Variants in LAMA2 observed in about 807,000 individuals in gnomAD.
The protein encoded by LAMA2 is laminin subunit alpha 2, also known as laminin subunit alpha-2.
LAMA2 carries 269 observed loss-of-function variants against 364.8 expected under a neutral mutation model. That is an observed-to-expected ratio of 0.74 (90% CI 0.67 to 0.82). The LOEUF (loss-of-function observed/expected upper bound fraction) is 0.82, where lower values mean the gene tolerates loss of function less well. Ranked by LOEUF, LAMA2 falls within the 40% of genes least tolerant of loss-of-function variation. LAMA2 has a pLI of 0.00. For synonymous variants in LAMA2, 1,379 were observed against 1,370.6 expected (o/e 1.01, Z -0.14); for missense variants, 3,807 against 3,873.2 (o/e 0.98, Z 0.45).
chr6:129,362,653 A>T (rs1242416948), intron 32 of LAMA2, among the ~76,000 whole-genome samples: 1 of 152,192 alleles, frequency 6.6e-6, no homozygotes, highest in Non-Finnish European at 1.5e-5. Context: ...TTCTTTAACG[A>T]GGAAGAAAGA....
At chr6:129,277,524 C>T (rs265375) in intron 17 of LAMA2, among the ~76,000 whole-genome samples, 119,127 of 152,104 alleles carry the variant, frequency 0.78, 47,545 homozygotes, top group East Asian at 0.87. Flanking sequence ...TGCGTTATGT[C>T]GAGTATCTAT....
chr6:128,919,192 G>A (rs1778536566), intron 1 of LAMA2, among the ~76,000 whole-genome samples: 1 of 152,132 alleles, frequency 6.6e-6, no homozygotes, highest in Non-Finnish European at 1.5e-5. Flanking sequence ...GAATCATGAG[G>A]CACTCATTGG....
intron 32 of LAMA2, among the ~76,000 whole-genome samples, chr6:129,356,800 G>A (rs1777176404): frequency 6.6e-6 from 1 of 151,992 alleles, no homozygotes; most frequent in Non-Finnish European, 1.5e-5. Context: ...TCTCAGTAAT[G>A]ACATTTATTT....
At chr6:129,120,392 G>A (rs1330694291) in intron 4 of LAMA2, among the ~76,000 whole-genome samples, 1 of 152,108 alleles carries the variant, frequency 6.6e-6, no homozygotes, top group Non-Finnish European at 1.5e-5. Context: ...TTGTTCCATG[G>A]GATAGTGTCA....
intron 40 of LAMA2, among the ~76,000 whole-genome samples, chr6:129,422,836 G>A (rs574201711): frequency 5.2e-4 from 79 of 152,014 alleles, no homozygotes; most frequent in African/African-American, 1.8e-3. Context: ...ATTCTACGAG[G>A]CCAGTATTAC....
At chr6:129,072,999 A>G (rs914101381) in intron 3 of LAMA2, among the ~76,000 whole-genome samples, 5 of 152,074 alleles carry the variant, frequency 3.3e-5, no homozygotes, top group African/African-American at 1.2e-4. Context: ...AACTTCCATC[A>G]AGAAAGTATC....
At chr6:129,336,514 C>T (rs1775966304) in intron 29 of LAMA2, among the ~76,000 whole-genome samples, 2 of 152,116 alleles carry the variant, frequency 1.3e-5, no homozygotes, top group Non-Finnish European at 2.9e-5. Flanking sequence ...GGTCACTGTA[C>T]AGAGATTTTC....
At chr6:129,387,299 G>GA (rs1246883685) in intron 35 of LAMA2, among the ~76,000 whole-genome samples, 1 of 152,090 alleles carries the variant, frequency 6.6e-6, no homozygotes, top group Non-Finnish European at 1.5e-5. Context: ...ACAAACATAT[G>GA]AAAAAAGCTC....
In LAMA2 at chr6:128,982,114, A is replaced by C. The variant is rs191060922; in HGVS notation, c.113-67804A>C. ...ACTGAGAAAATTTTAAAATACAGGA[A>C]AAGAAACATGATAAAATATATACCC... is the stretch of plus-strand genomic sequence containing the variant. On this transcript the variant is annotated intron_variant, in intron 1 of 64. Transcript: ENST00000421865. Among the ~76,000 whole-genome samples, 141 of 152,328 alleles carry C rather than the reference A, an allele frequency of 9.3e-4. 1 individual carries two copies. The highest frequency in any genetic ancestry group is 3.1e-3 in the African/African-American group (129 of 41,582).
In LAMA2 at chr6:129,460,215, C is replaced by T. The variant is rs773802779; in HGVS notation, c.6883C>T (p.Arg2295Cys). Residue 2295 changes from arginine to cysteine, a missense_variant, in exon 49 of 65, where the codon CGT (arginine) becomes TGT (cysteine). Physicochemically the swap from Arg to Cys is radical, Grantham distance 180 (BLOSUM62 -3). Around this residue, in one of 3 missense-constraint regions of LAMA2, gnomAD observed 3,333 missense variants for 3,345.7 expected, o/e 1.00. Coordinates refer to ENST00000421865, the MANE Select transcript of LAMA2 (RefSeq NM_000426.4). ...CTTTCTGCAGAAGGCTGATGCTGTA[C>T]GTGTGATTACATTCACTGGCTGCAT... Reference protein sequence around the residue: ...TGKLKKADAVRVITFTGCMGE... With the variant: ...TGKLKKADAVCVITFTGCMGE... The T allele has an allele frequency of 4.1e-5, 66 of 1,611,696 alleles. No homozygotes were observed. Among genetic ancestry groups the T allele is most frequent in the East Asian group, 1.3e-4 (6 of 44,794 alleles).
At chr6:129,409,287 CCT>C (rs1780403814) in intron 40 of LAMA2, among the ~76,000 whole-genome samples, 1 of 152,182 alleles carries the variant, frequency 6.6e-6, no homozygotes, top group Admixed American at 6.5e-5. Flanking sequence ...GTCTTCTCTG[CCT>C]CTGTCAACTG....
intron 31 of LAMA2, among the ~76,000 whole-genome samples, chr6:129,349,893 G>C (rs1776763589): frequency 6.6e-6 from 1 of 151,982 alleles, no homozygotes; most frequent in Admixed American, 6.6e-5. Flanking sequence ...TAAAGTATTT[G>C]TTATTCAGTT....
intron 1 of LAMA2, among the ~76,000 whole-genome samples, chr6:129,035,543 T>TG (rs57850767): frequency 2.7e-5 from 4 of 150,652 alleles, no homozygotes; most frequent in African/African-American, 9.7e-5. Context: ...TTTTTTTTTT[T>TG]GCATTTGCTT....
chr6:129,091,654 A>G (rs1258582992), intron 3 of LAMA2, among the ~76,000 whole-genome samples: 1 of 152,230 alleles, frequency 6.6e-6, no homozygotes, highest in Non-Finnish European at 1.5e-5. Context: ...AAAGTATTTG[A>G]AGTAAATTTA....
chr6:129,314,355 C>T (rs1282313593), intron 23 of LAMA2, among the ~76,000 whole-genome samples: 2 of 135,840 alleles, frequency 1.5e-5, no homozygotes, highest in Admixed American at 8.2e-5. Flanking sequence ...GCAGAGATAG[C>T]GCCACTGCAC....
chr6:129,475,845 T>C (rs1784043525), intron 53 of LAMA2, among the ~76,000 whole-genome samples: 1 of 152,178 alleles, frequency 6.6e-6, no homozygotes, highest in Non-Finnish European at 1.5e-5. Flanking sequence ...CTCACATGCT[T>C]ACCACTGCCT....
At chr6:129,317,279 C>T (rs975668761) in intron 27 of LAMA2, among the ~76,000 whole-genome samples, 1 of 152,038 alleles carries the variant, frequency 6.6e-6, no homozygotes, top group South Asian at 2.1e-4. Context: ...AATATAGAAT[C>T]GATATATGTT....
intron 1 of LAMA2, among the ~76,000 whole-genome samples, chr6:128,911,118 G>C (rs1178925796): frequency 1.5e-4 from 23 of 152,158 alleles, no homozygotes; most frequent in Non-Finnish European, 2.9e-5. Context: ...CCCAGAGGTG[G>C]AGCCTACAAA....
intron 1 of LAMA2, among the ~76,000 whole-genome samples, chr6:128,978,598 G>C (rs1282511654): frequency 6.6e-6 from 1 of 152,032 alleles, no homozygotes. Flanking sequence ...TTACAAGCGT[G>C]AGCCACCATG....
Sources: gnomAD v4.1 joint callset for allele counts (sites outside exome capture counted in the v4.1 genomes callset) on GRCh38, gnomAD v4.1.1 for gene constraint, gnomAD v4.1.1 regional missense constraint, MANE v1.5 for transcripts, NCBI Gene and HGNC (gene_info 2026-07-23, HGNC 2026-07-21) for gene names.